GOLGA4: variants seen among roughly 807,000 people sequenced by gnomAD.
The protein encoded by GOLGA4 is golgin A4.
Under a neutral mutation model 265.9 loss-of-function variants are expected in GOLGA4, and 169 were observed. That is an observed-to-expected ratio of 0.64 (90% CI 0.56 to 0.72). The LOEUF is 0.72. Ranked by LOEUF, GOLGA4 falls within the 30% of genes least tolerant of loss-of-function variation. The pLI is 0.00. For missense variants in GOLGA4, 2,482 were observed against 2,483.4 expected (o/e 1.00, Z 0.01); for synonymous variants, 923 against 855.8 (o/e 1.08, Z -1.37).
chr3:37,293,888 A>G (rs1219131662), intron 5 of GOLGA4, among the ~76,000 whole-genome samples: 7 of 152,224 alleles, frequency 4.6e-5, no homozygotes, highest in Non-Finnish European at 1.0e-4. Context: ...TTGTTCCTAC[A>G]CTACAAGCCT....
At chr3:37,343,196 A>ACCGCAACCTCCACCTCC (rs1553625665) in intron 20 of GOLGA4, among the ~76,000 whole-genome samples, 2 of 152,036 alleles carry the variant, frequency 1.3e-5, no homozygotes, top group African/African-American at 4.8e-5. Flanking sequence ...ATCTCAGCTC[A>ACCGCAACCTCCACCTCC]CCGCAACCTC....
chr3:37,310,592 T>A (rs2096920352), intron 10 of GOLGA4, among the ~76,000 whole-genome samples: 1 of 152,182 alleles, frequency 6.6e-6, no homozygotes, highest in Admixed American at 6.5e-5. Flanking sequence ...TTCCCATGGA[T>A]GTGAGTGAAC....
At chr3:37,312,577 C>T (rs2096925975) in intron 10 of GOLGA4, among the ~76,000 whole-genome samples, 1 of 148,550 alleles carries the variant, frequency 6.7e-6, no homozygotes, top group Admixed American at 6.8e-5. Context: ...GGCTGGAGTG[C>T]AGTGGCACAA....
At chr3:37,296,281 T>C in intron 7 of GOLGA4, 62 bp downstream of exon 7, 1 of 1,541,228 alleles carries the variant, frequency 6.5e-7, no homozygotes, top group South Asian at 1.1e-5. Context: ...CTCCTTGGCT[T>C]ACACCTTTAA....
At chr3:37,245,751 A>G (rs976914076) in intron 1 of GOLGA4, among the ~76,000 whole-genome samples, 8 of 152,080 alleles carry the variant, frequency 5.3e-5, no homozygotes, top group African/African-American at 1.4e-4. Context: ...TTTGGATTAT[A>G]TGTATATTCA....
At chr3:37,334,003 C>G (rs2097000517) in intron 16 of GOLGA4, among the ~76,000 whole-genome samples, 2 of 152,178 alleles carry the variant, frequency 1.3e-5, no homozygotes, top group Admixed American at 1.3e-4. Context: ...GGTTATTTTT[C>G]CTGTTAAGTC....
At chr3:37,335,432 G>A (rs2097007585) in intron 17 of GOLGA4, among the ~76,000 whole-genome samples, 3 of 152,140 alleles carry the variant, frequency 2.0e-5, no homozygotes, top group Admixed American at 2.0e-4. Context: ...TATTACCAGT[G>A]CTTCTCCATC....
intron 23 of GOLGA4, among the ~76,000 whole-genome samples, chr3:37,364,900 C>G (rs766001373): frequency 1.5e-4 from 23 of 151,952 alleles, no homozygotes; most frequent in Admixed American, 9.8e-4. Context: ...GCCAGCATTT[C>G]TAATTAATTT....
chr3:37,255,466 A>G (rs1213373353), intron 2 of GOLGA4, among the ~76,000 whole-genome samples: 2 of 151,554 alleles, frequency 1.3e-5, no homozygotes, highest in East Asian at 2.0e-4. Flanking sequence ...CCTGACCTTT[A>G]TATGTCCCTT....
At chr3:37,281,273 T>G (rs2096833912) in intron 2 of GOLGA4, among the ~76,000 whole-genome samples, 1 of 152,252 alleles carries the variant, frequency 6.6e-6, no homozygotes, top group South Asian at 2.1e-4. Flanking sequence ...GGACTCTAAC[T>G]CAGACCTTTC....
intron 2 of GOLGA4, among the ~76,000 whole-genome samples, chr3:37,266,689 A>ATGG (rs770583062): frequency 3.9e-5 from 6 of 151,914 alleles, no homozygotes; most frequent in Non-Finnish European, 5.9e-5. Flanking sequence ...TGTGGGTGAG[A>ATGG]TGGTGGTGGT....
chr3:37,343,236 C>G (rs1162165311), intron 20 of GOLGA4, among the ~76,000 whole-genome samples: 1 of 152,268 alleles, frequency 6.6e-6, no homozygotes. Flanking sequence ...ATTCTCCTGC[C>G]TCAGCCTCCC....
rs973699202 is a variant in GOLGA4 at position 37,276,673 on chromosome 3, A to G, written c.163-5285A>G. ...AACTAGCTTTAAACTAGGCCAAGCAACTAGTTTTCCTGCAAATCAAATTTT... is the reference window on the plus strand; with the variant it reads ...AACTAGCTTTAAACTAGGCCAAGCAGCTAGTTTTCCTGCAAATCAAATTTT... On this transcript the variant is annotated intron_variant, in intron 2 of 23. Coordinates refer to ENST00000361924, the MANE Select transcript of GOLGA4 (RefSeq NM_002078.5). 27 of 1,325,524 alleles carry G rather than the reference A, an allele frequency of 2.0e-5. No homozygotes were observed. In the South Asian group the frequency reaches 2.5e-4, roughly 12 times the overall value. The allele number at this position is 1,325,524 out of a possible 1,614,324, so 82.1% of individuals were successfully genotyped here.
intron 3 of GOLGA4, among the ~76,000 whole-genome samples, chr3:37,284,375 G>T (rs2096842680): frequency 6.6e-6 from 1 of 152,000 alleles, no homozygotes; most frequent in Non-Finnish European, 1.5e-5. Flanking sequence ...GGGCCAAGCA[G>T]TTCTCCTGCC....
intron 2 of GOLGA4, among the ~76,000 whole-genome samples, chr3:37,270,291 T>A (rs1578426360): frequency 6.7e-6 from 1 of 149,768 alleles, no homozygotes; most frequent in South Asian, 2.1e-4. Flanking sequence ...CTGCAGCCTC[T>A]GCCTCCAGGA....
At chr3:37,263,638 A>C (rs1199158404) in intron 2 of GOLGA4, among the ~76,000 whole-genome samples, 1 of 152,130 alleles carries the variant, frequency 6.6e-6, no homozygotes, top group East Asian at 1.9e-4. Context: ...GTCAACAAAG[A>C]CTCCTTAGGC....
intron 20 of GOLGA4, among the ~76,000 whole-genome samples, chr3:37,345,840 G>C (rs887624507): frequency 6.6e-6 from 1 of 151,848 alleles, no homozygotes; most frequent in Admixed American, 6.6e-5. Context: ...TCAGCTGCTC[G>C]GTAGGCTGAG....
Position 37,323,678 on chromosome 3 carries a change from A to G in GOLGA4, c.1792A>G (p.Lys598Glu), listed in dbSNP as rs141071707. ...KDLAVHLEAE[K>E]NKHNKEITVM... Reference sequence around the variant, plus strand: ...TTTGGCTGTTCATCTGGAAGCTGAAAAAAATAAGCACAATAAGGAGATTAC... The same window carrying G: ...TTTGGCTGTTCATCTGGAAGCTGAAGAAAATAAGCACAATAAGGAGATTAC... Residue 598 changes from lysine (K) to glutamate (E), a missense_variant, in exon 14 of 24, where the codon AAA (lysine) becomes GAA (glutamate). Coordinates refer to ENST00000361924, the MANE Select transcript of GOLGA4 (RefSeq NM_002078.5). 5 of 1,605,452 alleles carry G rather than the reference A, an allele frequency of 3.1e-6. No individual in the cohort carries two copies. The highest frequency in any genetic ancestry group is 1.1e-5 in the South Asian group (1 of 87,878).
Position 37,266,302 on chromosome 3 carries a change from C to T in GOLGA4, c.162+14818C>T, listed in dbSNP as rs541938574. On this transcript the variant is annotated intron_variant, in intron 2 of 23. Transcript: ENST00000361924. ...GCAACCTCCGCCTCCCAGGTTCAAG[C>T]GATTCTCCTGCCTCAGCCTCCTGAG... 4.2e-4 allele frequency among the ~76,000 whole-genome samples: 64 copies of T among 152,162 alleles called. 1 individual carries two copies. In the South Asian group the frequency reaches 8.7e-3, roughly 21 times the overall value.
Sources: gnomAD v4.1 joint callset for allele counts (sites outside exome capture counted in the v4.1 genomes callset) on GRCh38, gnomAD v4.1.1 for gene constraint, MANE v1.5 for transcripts, NCBI Gene and HGNC (gene_info 2026-07-23, HGNC 2026-07-21) for gene names.